The following SKAP1 variants were observed in gnomAD, a reference collection of about 807,000 sequenced individuals.
SKAP1 encodes the protein src kinase associated phosphoprotein 1, also known as src kinase-associated phosphoprotein 1.
SKAP1 carries 44 observed loss-of-function variants against 58.5 expected under a neutral mutation model. The observed-to-expected ratio is 0.75, with a 90% CI of 0.59 to 0.97. The LOEUF (loss-of-function observed/expected upper bound fraction) is 0.97, where lower values mean the gene tolerates loss of function less well. SKAP1 is among the 50% of genes least tolerant of loss of function. The pLI is 0.00. For missense variants in SKAP1, 390 were observed against 435.2 expected, an observed-to-expected ratio of 0.90 and a Z score of 0.92; for synonymous variants, 127 against 149.7, an observed-to-expected ratio of 0.85 and a Z score of 1.11.
At chr17:48,234,329 T>G (rs1443861163) in intron 4 of SKAP1, among the ~76,000 whole-genome samples, 1 of 152,218 alleles carries the variant, frequency 6.6e-6, no homozygotes, top group Non-Finnish European at 1.5e-5. Context: ...CCTAAAAGAC[T>G]GAGTATACTC....
chr17:48,211,694 T>C (rs1417780428), intron 4 of SKAP1, among the ~76,000 whole-genome samples: 1 of 152,234 alleles, frequency 6.6e-6, no homozygotes, highest in Non-Finnish European at 1.5e-5. Flanking sequence ...TTATCCAGGC[T>C]GAGCCTGATG....
chr17:48,353,969 A>AAAGAAG (rs375700888), intron 3 of SKAP1, among the ~76,000 whole-genome samples: 1 of 148,770 alleles, frequency 6.7e-6, no homozygotes, highest in East Asian at 2.0e-4. Context: ...AGAGGAAGAA[A>AAAGAAG]AAGAAGAAGA....
At chr17:48,444,624 C>T in the SKAP1 span, among the ~76,000 whole-genome samples, 2 of 152,228 alleles carry the variant, frequency 1.3e-5, no homozygotes, top group Admixed American at 6.5e-5. Context: ...GTTGCCAAGG[C>T]AGAGCCAAGC....
intron 1 of SKAP1, among the ~76,000 whole-genome samples, chr17:48,416,360 A>G (rs185152199): frequency 9.8e-5 from 15 of 152,286 alleles, no homozygotes; most frequent in Non-Finnish European, 1.9e-4. Flanking sequence ...AGGGATAGAA[A>G]AGGTTTGTTG....
intron 2 of SKAP1, among the ~76,000 whole-genome samples, chr17:48,373,828 T>C (rs2067118524): frequency 6.6e-6 from 1 of 152,164 alleles, no homozygotes; most frequent in Non-Finnish European, 1.5e-5. Flanking sequence ...ATTATAAAAC[T>C]AGCTACCCAG....
In SKAP1 at chr17:48,168,601, G is replaced by A. The variant is rs192244334; in HGVS notation, c.877+2008C>T. The stretch of plus-strand genomic sequence containing the variant: ...GAACCTGGGAGGCAGAGGTTGCAGT[G>A]AGCGGAGATAGCGCCATTGCACTCC... On this transcript the variant is annotated intron_variant, in intron 10 of 12. Coordinates refer to ENST00000336915, the MANE Select transcript of SKAP1 (RefSeq NM_003726.4). 4.7e-3 allele frequency among the ~76,000 whole-genome samples: 714 copies of A among 152,356 alleles called. 3 individuals carry two copies. The highest frequency in any genetic ancestry group is 0.016 in the African/African-American group (669 of 41,578).
intron 11 of SKAP1, among the ~76,000 whole-genome samples, chr17:48,159,764 AG>A (rs1350285704): frequency 6.6e-6 from 1 of 152,224 alleles, no homozygotes; most frequent in African/African-American, 2.4e-5. Context: ...GGCGATGAAT[AG>A]ATTGGGTGGC....
intron 7 of SKAP1, among the ~76,000 whole-genome samples, chr17:48,183,106 G>T (rs893702765): frequency 6.6e-6 from 1 of 152,154 alleles, no homozygotes; most frequent in African/African-American, 2.4e-5. Context: ...AGTACTAGGA[G>T]TTCAGAGTTA....
intron 4 of SKAP1, among the ~76,000 whole-genome samples, chr17:48,218,649 G>A: frequency 6.6e-6 from 1 of 152,132 alleles, no homozygotes; most frequent in East Asian, 1.9e-4. Context: ...ATGACTGTGT[G>A]AATGACATTT....
At chr17:48,258,617 A>G (rs2065452190) in intron 4 of SKAP1, among the ~76,000 whole-genome samples, 1 of 152,270 alleles carries the variant, frequency 6.6e-6, no homozygotes, top group African/African-American at 2.4e-5. Flanking sequence ...GGTGTGTAGC[A>G]TACAAATGAA....
At chr17:48,234,096 AAT>A (rs1473009170) in intron 4 of SKAP1, among the ~76,000 whole-genome samples, 17 of 152,202 alleles carry the variant, frequency 1.1e-4, no homozygotes, top group African/African-American at 4.1e-4. Flanking sequence ...TTTATGCTTT[AAT>A]GCCTTTCCTC....
At chr17:48,356,374 T>G (rs1289751720) in intron 3 of SKAP1, among the ~76,000 whole-genome samples, 1 of 152,224 alleles carries the variant, frequency 6.6e-6, no homozygotes, top group Non-Finnish European at 1.5e-5. Flanking sequence ...GCTGTTTTTT[T>G]GTTTGTTTTG....
At chr17:48,369,838 T>C (rs1162043749) in intron 2 of SKAP1, among the ~76,000 whole-genome samples, 1 of 152,200 alleles carries the variant, frequency 6.6e-6, no homozygotes, top group East Asian at 1.9e-4. Flanking sequence ...ACAGGACCTC[T>C]AATGAGAAAC....
intron 6 of SKAP1, among the ~76,000 whole-genome samples, chr17:48,186,419 C>G (rs1415497723): frequency 6.6e-6 from 1 of 152,134 alleles, no homozygotes; most frequent in Admixed American, 6.5e-5. Flanking sequence ...TTGGGCAAAT[C>G]TTAAGGATTT....
At chr17:48,338,890 A>G (rs1351863996) in intron 4 of SKAP1, among the ~76,000 whole-genome samples, 1 of 152,204 alleles carries the variant, frequency 6.6e-6, no homozygotes, top group Non-Finnish European at 1.5e-5. Context: ...AAACGACATG[A>G]TTTCTTAGAT....
chr17:48,299,513 C>T (rs569242350), intron 4 of SKAP1, among the ~76,000 whole-genome samples: 40 of 152,162 alleles, frequency 2.6e-4, no homozygotes, highest in African/African-American at 8.9e-4. Context: ...GAACAGGAGA[C>T]TACTATTATT....
chr17:48,164,436 C>A (rs746070694), intron 10 of SKAP1, among the ~76,000 whole-genome samples: 3 of 152,104 alleles, frequency 2.0e-5, no homozygotes, highest in Non-Finnish European at 4.4e-5. Context: ...GAGTACGGTT[C>A]CCTACTGTGT....
intron 4 of SKAP1, among the ~76,000 whole-genome samples, chr17:48,326,993 T>C (rs2066446430): frequency 6.6e-6 from 1 of 150,912 alleles, no homozygotes; most frequent in African/African-American, 2.4e-5. Context: ...CCACTTCAAG[T>C]GATTCTCATG....
intron 2 of SKAP1, among the ~76,000 whole-genome samples, chr17:48,394,348 T>C (rs2067388690): frequency 6.6e-6 from 1 of 152,134 alleles, no homozygotes; most frequent in African/African-American, 2.4e-5. Context: ...TATTTTTTAC[T>C]CTTTTTTTTT....
Sources: gnomAD v4.1 joint callset for allele counts (sites outside exome capture counted in the v4.1 genomes callset) on GRCh38, gnomAD v4.1.1 for gene constraint, MANE v1.5 for transcripts, NCBI Gene and HGNC (gene_info 2026-07-23, HGNC 2026-07-21) for gene names.